Variants in SPAG16 observed in about 807,000 individuals in gnomAD.
SPAG16 encodes the protein sperm-associated antigen 16 protein.
In SPAG16, 86 loss-of-function variants were observed where a neutral mutation model predicts 80.4. The ratio of observed to expected loss-of-function variants is 1.07; its 90% CI spans 0.90 to 1.28. SPAG16 has a LOEUF of 1.28. SPAG16 is among the 50% of genes most tolerant of loss of function. The pLI is 0.00. For synonymous variants in SPAG16, 294 were observed against 265.9 expected, an observed-to-expected ratio of 1.11 and a Z score of -1.03; for missense variants, 870 against 765.3, an observed-to-expected ratio of 1.14 and a Z score of -1.61.
chr2:214,181,471 T>C (rs1453447553), intron 15 of SPAG16, among the ~76,000 whole-genome samples: 1 of 151,752 alleles, frequency 6.6e-6, no homozygotes, highest in East Asian at 1.9e-4. Context: ...CAGTCCTTTT[T>C]CTCACTGCCT....
At chr2:213,636,640 TTTGTAGTTCTCC>T (rs1279274931) in intron 10 of SPAG16, among the ~76,000 whole-genome samples, 2 of 152,196 alleles carry the variant, frequency 1.3e-5, no homozygotes, top group Non-Finnish European at 2.9e-5. Flanking sequence ...TCAGCAGTGT[TTTGTAGTTCTCC>T]TTGTACAGAT....
chr2:213,731,734 A>G (rs2067053937), intron 10 of SPAG16, among the ~76,000 whole-genome samples: 1 of 152,048 alleles, frequency 6.6e-6, no homozygotes, highest in African/African-American at 2.4e-5. Flanking sequence ...TTCCTGTGTT[A>G]GTTTGCTAAG....
intron 10 of SPAG16, among the ~76,000 whole-genome samples, chr2:213,839,919 C>T (rs1386953538): frequency 6.6e-6 from 1 of 152,070 alleles, no homozygotes; most frequent in Admixed American, 6.6e-5. Flanking sequence ...GAAGGCTCTT[C>T]CTATTACGAA....
intron 9 of SPAG16, among the ~76,000 whole-genome samples, chr2:213,467,859 G>A (rs1415103030): frequency 6.6e-6 from 1 of 152,216 alleles, no homozygotes; most frequent in Admixed American, 6.5e-5. Context: ...TTGTTAAGGT[G>A]CCCTGGCTTG....
intron 15 of SPAG16, among the ~76,000 whole-genome samples, chr2:214,178,299 G>A (rs1018988539): frequency 1.2e-4 from 18 of 150,910 alleles, no homozygotes; most frequent in African/African-American, 3.9e-4. Flanking sequence ...AAATTGGAAT[G>A]TAGGAGTTTA....
rs199770222 is a variant in SPAG16, at chr2:214,229,155, G to GAAAA, written c.1720+79897_1720+79900dup. Among the ~76,000 whole-genome samples the GAAAA allele has an allele frequency of 4.8e-3, 678 of 142,326 alleles. 4 individuals are homozygous for GAAAA. The highest frequency in any genetic ancestry group is 0.017 in the African/African-American group (641 of 38,834). 93.4% of individuals were successfully genotyped at this position (142,326 alleles called of 152,430 possible). ...TCTTGCCATCTACCACGAGAAGCAG[G>GAAAA]AAAAAAAAAAAGGATAATTTCACTA... On this transcript the variant is annotated intron_variant, in intron 15 of 15. Transcript: ENST00000331683.
At chr2:214,225,395 C>A (rs2058677691) in intron 15 of SPAG16, among the ~76,000 whole-genome samples, 3 of 152,000 alleles carry the variant, frequency 2.0e-5, no homozygotes, top group Admixed American at 1.3e-4. Context: ...ATTGTGATAA[C>A]CCAGGGGAAA....
At chr2:214,062,194 C>A (rs1046482564) in intron 13 of SPAG16, among the ~76,000 whole-genome samples, 1 of 151,868 alleles carries the variant, frequency 6.6e-6, no homozygotes, top group Non-Finnish European at 1.5e-5. Flanking sequence ...CCGAAGTGGG[C>A]AGATCCCTTG....
chr2:214,070,726 A>G (rs1032025683), intron 13 of SPAG16, among the ~76,000 whole-genome samples: 1 of 152,068 alleles, frequency 6.6e-6, no homozygotes, highest in African/African-American at 2.4e-5. Context: ...AGAGTTTCTA[A>G]CATATAACCA....
intron 15 of SPAG16, among the ~76,000 whole-genome samples, chr2:214,208,376 T>A (rs1436506816): frequency 2.0e-5 from 3 of 152,176 alleles, no homozygotes; most frequent in Admixed American, 6.5e-5. Context: ...TTAAACTGAT[T>A]AGACGCCAAA....
At chr2:213,431,102 C>T (rs971507259) in intron 9 of SPAG16, among the ~76,000 whole-genome samples, 1 of 151,960 alleles carries the variant, frequency 6.6e-6, no homozygotes, top group Non-Finnish European at 1.5e-5. Context: ...TGATATTTGC[C>T]ATCATTAAAA....
chr2:214,071,737 T>A (rs896560675), intron 13 of SPAG16, among the ~76,000 whole-genome samples: 5 of 152,134 alleles, frequency 3.3e-5, no homozygotes, highest in African/African-American at 1.2e-4. Context: ...GTGAGTATCA[T>A]CTTTCCTTCA....
At chr2:214,110,611 C>G (rs2053615930) in intron 14 of SPAG16, among the ~76,000 whole-genome samples, 1 of 152,150 alleles carries the variant, frequency 6.6e-6, no homozygotes, top group Non-Finnish European at 1.5e-5. Flanking sequence ...GTGCATGCAT[C>G]TTTAGAGTAG....
chr2:214,337,294 A>G (rs189598076), intron 15 of SPAG16, among the ~76,000 whole-genome samples: 11 of 152,328 alleles, frequency 7.2e-5, no homozygotes, highest in Middle Eastern at 3.4e-3. Context: ...CAAACTTATT[A>G]AGAAATCCAC....
chr2:213,407,180 G>A (rs369567414), intron 9 of SPAG16, among the ~76,000 whole-genome samples: 1 of 152,172 alleles, frequency 6.6e-6, no homozygotes, highest in African/African-American at 2.4e-5. Flanking sequence ...GACAGTGTGA[G>A]TGGGTCCTCT....
At chr2:213,591,606 T>C (rs2060692642) in intron 10 of SPAG16, among the ~76,000 whole-genome samples, 1 of 152,194 alleles carries the variant, frequency 6.6e-6, no homozygotes, top group African/African-American at 2.4e-5. Context: ...AGGATCATCA[T>C]GATAGGTATA....
At chr2:214,000,009 T>A (rs1469136669) in intron 12 of SPAG16, among the ~76,000 whole-genome samples, 1 of 152,208 alleles carries the variant, frequency 6.6e-6, no homozygotes, top group Non-Finnish European at 1.5e-5. Context: ...TTGTCTCAGA[T>A]GAGACTTTGG....
chr2:213,721,131 C>T (rs10084198), intron 10 of SPAG16, among the ~76,000 whole-genome samples: 141,258 of 152,070 alleles, frequency 0.93, 66,532 homozygotes, highest in East Asian at 1. Context: ...GATGGAGTCT[C>T]TCTCTGTAAC....
At chr2:213,641,367 A>C (rs1201897047) in intron 10 of SPAG16, among the ~76,000 whole-genome samples, 3 of 152,218 alleles carry the variant, frequency 2.0e-5, no homozygotes, top group African/African-American at 7.2e-5. Flanking sequence ...GCTGAGAAAG[A>C]AAGCAGGGCT....
Sources: allele counts gnomAD v4.1 joint callset (sites outside exome capture counted in the v4.1 genomes callset), GRCh38; gene constraint gnomAD v4.1.1; transcripts MANE v1.5; gene names NCBI Gene and HGNC (gene_info 2026-07-23, HGNC 2026-07-21).